Variants in TMTC2 observed in about 807,000 individuals in gnomAD.
TMTC2 encodes the protein transmembrane O-mannosyltransferase targeting cadherins 2, also known as protein O-mannosyl-transferase TMTC2.
A neutral mutation model predicts 82.4 loss-of-function variants in TMTC2; 43 were observed. That is an observed-to-expected ratio of 0.52 (90% CI 0.41 to 0.67). The LOEUF (loss-of-function observed/expected upper bound fraction) is 0.67. Ranked by LOEUF, TMTC2 falls within the 30% of genes least tolerant of loss-of-function variation. The probability of loss-of-function intolerance (pLI) is 0.00; values close to 1 mark genes in which losing one functional copy is unlikely to be tolerated. For synonymous variants in TMTC2, 408 were observed against 381.9 expected (o/e 1.07, Z -0.80); for missense variants, 919 against 1,012.4 (o/e 0.91, Z 1.25).
At chr12:83,008,747 C>CAT (rs1565850572) in intron 8 of TMTC2, among the ~76,000 whole-genome samples, 2 of 151,968 alleles carry the variant, frequency 1.3e-5, no homozygotes, top group African/African-American at 4.8e-5. Context: ...ATGAAATACG[C>CAT]AGCCTCTAAT....
intron 11 of TMTC2, among the ~76,000 whole-genome samples, chr12:83,093,039 T>G (rs1883895536): frequency 6.6e-6 from 1 of 152,180 alleles, no homozygotes; most frequent in African/African-American, 2.4e-5. Context: ...GATCCCCACA[T>G]TCTCCCTTGC....
chr12:82,825,177 G>A (rs12298152), intron 1 of TMTC2, among the ~76,000 whole-genome samples: 8,348 of 152,066 alleles, frequency 0.055, 766 homozygotes, highest in African/African-American at 0.19. Flanking sequence ...CCACAGAAGA[G>A]GTGATAAACT....
chr12:82,972,730 C>T (rs1307649486), intron 7 of TMTC2, among the ~76,000 whole-genome samples: 1 of 152,140 alleles, frequency 6.6e-6, no homozygotes, highest in Non-Finnish European at 1.5e-5. Flanking sequence ...GAAAACAATG[C>T]AAATGTTCTC....
At chr12:82,997,414 A>ATAATATATGTGTATATATATATGTG (rs1879710065) in intron 8 of TMTC2, among the ~76,000 whole-genome samples, 5 of 29,944 alleles carry the variant, frequency 1.7e-4, no homozygotes, top group Non-Finnish European at 3.2e-4. Flanking sequence ...ATATATGTGT[A>ATAATATATGTGTATATATATATGTG]TATATATATA....
intron 1 of TMTC2, among the ~76,000 whole-genome samples, chr12:82,750,451 C>T (rs1298097168): frequency 6.6e-6 from 1 of 152,078 alleles, no homozygotes; most frequent in East Asian, 1.9e-4. Context: ...TGGCATTCTG[C>T]ACTCTGTTCT....
intron 11 of TMTC2, among the ~76,000 whole-genome samples, chr12:83,076,144 G>A (rs770100761): frequency 2.6e-5 from 4 of 152,214 alleles, no homozygotes; most frequent in Non-Finnish European, 5.9e-5. Context: ...CAGGCTTGGG[G>A]TATTGTTATT....
intron 2 of TMTC2, among the ~76,000 whole-genome samples, chr12:82,886,671 G>C (rs537280834): frequency 1.3e-5 from 2 of 151,944 alleles, no homozygotes; most frequent in South Asian, 4.2e-4. Flanking sequence ...CTTTAATCTT[G>C]TCTGTTAGTT....
intron 11 of TMTC2, among the ~76,000 whole-genome samples, chr12:83,062,185 T>A (rs1335435395): frequency 1.3e-5 from 2 of 151,820 alleles, no homozygotes; most frequent in Admixed American, 6.6e-5. Flanking sequence ...GGCTGTGGCA[T>A]TAAATACCTA....
chr12:82,884,091 A>G (rs1199920), intron 2 of TMTC2, among the ~76,000 whole-genome samples: 22,933 of 152,086 alleles, frequency 0.15, 3,779 homozygotes, highest in African/African-American at 0.41. Context: ...GTTAGGGGCT[A>G]TGGCACACCC....
At chr12:82,745,859 C>T (rs865810885) in intron 1 of TMTC2, among the ~76,000 whole-genome samples, 4 of 152,196 alleles carry the variant, frequency 2.6e-5, no homozygotes, top group Non-Finnish European at 5.9e-5. Context: ...TCTAACACCC[C>T]TCCCCTTTTT....
chr12:82,872,113 A>T (rs897201920), intron 2 of TMTC2, among the ~76,000 whole-genome samples: 1 of 147,348 alleles, frequency 6.8e-6, no homozygotes, highest in African/African-American at 2.5e-5. Flanking sequence ...ATACTGATGG[A>T]TGTGTGAGTG....
intron 1 of TMTC2, among the ~76,000 whole-genome samples, chr12:82,782,332 G>A (rs1380081182): frequency 6.6e-6 from 1 of 152,020 alleles, no homozygotes; most frequent in Non-Finnish European, 1.5e-5. Context: ...TGAACAAAAC[G>A]AAAAAATTCA....
intron 4 of TMTC2, among the ~76,000 whole-genome samples, chr12:82,964,739 G>A (rs1257101954): frequency 2.0e-5 from 3 of 152,084 alleles, no homozygotes; most frequent in Non-Finnish European, 4.4e-5. Context: ...AATTCTAGTG[G>A]GAGAGAAAAG....
At chr12:82,823,030 T>C (rs939810211) in intron 1 of TMTC2, among the ~76,000 whole-genome samples, 2 of 152,222 alleles carry the variant, frequency 1.3e-5, no homozygotes, top group African/African-American at 4.8e-5. Context: ...TAAGAGAAAG[T>C]GCTAGTATTC....
chr12:82,739,147 TAA>T lies in TMTC2; in HGVS notation c.83+51494_83+51495del, dbSNP rs59846972. ...TGGGCGACAGAGTGAGACTCTGTCT[TAA>T]AAAAAAAAAAAAAAAGAGGATACAT... On this transcript the variant is annotated intron_variant, in intron 1 of 11. Transcript: ENST00000321196. 3.9e-3 allele frequency among the ~76,000 whole-genome samples: 545 copies of T among 139,216 alleles called. 2 individuals carry two copies. Among genetic ancestry groups the T allele is most frequent in the African/African-American group, 5.9e-3 (222 of 37,522 alleles). The allele number at this position is 139,216 out of a possible 152,430, so 91.3% of individuals were successfully genotyped here.
chr12:82,694,951 T>G (rs923146099), intron 1 of TMTC2, among the ~76,000 whole-genome samples: 3 of 152,188 alleles, frequency 2.0e-5, no homozygotes, highest in African/African-American at 7.2e-5. Flanking sequence ...TTCCAGAGAT[T>G]ATTGATTTCC....
At chr12:82,718,204 A>G (rs1229468035) in intron 1 of TMTC2, among the ~76,000 whole-genome samples, 1 of 152,338 alleles carries the variant, frequency 6.6e-6, no homozygotes, top group East Asian at 1.9e-4. Flanking sequence ...ATAAAGACAC[A>G]AAACTGGTTA....
At position 83,059,552 on chromosome 12, in the gene TMTC2, T is replaced by C. The variant is rs143926232; in HGVS notation, c.2268-2216T>C. Among the ~76,000 whole-genome samples, 331 of 151,894 alleles carry C rather than the reference T, an allele frequency of 2.2e-3. 3 individuals carry two copies. In the South Asian group the frequency reaches 0.025, roughly 11 times the overall value. ...TTGTGTAGTTATATGACATATATAG[T>C]AAATCCTAGTGGGGTTTTTTTCCCA... On this transcript the variant is annotated intron_variant, in intron 10 of 11. Transcript: ENST00000321196.
intron 2 of TMTC2, among the ~76,000 whole-genome samples, chr12:82,873,497 G>T (rs530644037): frequency 2.6e-5 from 4 of 152,098 alleles, no homozygotes; most frequent in Non-Finnish European, 4.4e-5. Context: ...ATGATAAATT[G>T]TAGGTCCCTA....
Sources: gnomAD v4.1 joint callset for allele counts (sites outside exome capture counted in the v4.1 genomes callset) on GRCh38, gnomAD v4.1.1 for gene constraint, MANE v1.5 for transcripts, NCBI Gene and HGNC (gene_info 2026-07-23, HGNC 2026-07-21) for gene names.